The following ERC1 variants were observed in gnomAD, a reference collection of about 807,000 sequenced individuals.
ERC1 encodes ELKS/RAB6-interacting/CAST family member 1, also known as RAB6 interacting protein 2.
A neutral mutation model predicts 132.0 loss-of-function variants in ERC1; 56 were observed. That is an observed-to-expected ratio of 0.42 (90% confidence interval 0.34 to 0.53). The LOEUF (loss-of-function observed/expected upper bound fraction) is 0.53, where lower values mean the gene tolerates loss of function less well. ERC1 is among the 20% of genes least tolerant of loss of function. ERC1 has a pLI of 0.03. For missense variants in ERC1, 1,202 were observed against 1,349.9 expected (o/e 0.89, Z 1.72); for synonymous variants, 478 against 476.1 (o/e 1.00, Z -0.05).
chr12:1,038,732 G>A (rs978326593), intron 2 of ERC1, among the ~76,000 whole-genome samples: 2 of 152,200 alleles, frequency 1.3e-5, no homozygotes, highest in African/African-American at 4.8e-5. Context: ...GGGAGTTCTT[G>A]AACGAGGGCA....
intron 15 of ERC1, among the ~76,000 whole-genome samples, chr12:1,356,481 G>A (rs906003984): frequency 3.3e-5 from 5 of 152,140 alleles, no homozygotes; most frequent in Non-Finnish European, 7.4e-5. Context: ...GAAGTAGGAT[G>A]TGTGACTCAG....
chr12:1,456,640 T>C lies in ERC1; in HGVS notation c.3213+11890T>C, dbSNP rs966598848. Among the ~76,000 whole-genome samples the C allele has an allele frequency of 2.0e-5, 3 of 152,146 alleles. 1 individual carries two copies. Among genetic ancestry groups the C allele is most frequent in the Non-Finnish European group, 4.4e-5 (3 of 68,028 alleles). On this transcript the variant is annotated intron_variant, in intron 18 of 18. Coordinates refer to ENST00000360905, the MANE Select transcript of ERC1 (RefSeq NM_178040.4). ...TATGTTTTTTACTTCTTTTGAATTA[T>C]ATAAAATTGGAAGTTATATTTATAA...
At chr12:1,277,370 C>G (rs543217043) in intron 14 of ERC1, among the ~76,000 whole-genome samples, 34 of 152,320 alleles carry the variant, frequency 2.2e-4, no homozygotes, top group Middle Eastern at 3.4e-3. Flanking sequence ...ACTGATGCTT[C>G]TGATCATCAC....
intron 17 of ERC1, among the ~76,000 whole-genome samples, chr12:1,438,075 T>C (rs2092995361): frequency 6.6e-6 from 1 of 152,204 alleles, no homozygotes; most frequent in Admixed American, 6.5e-5. Flanking sequence ...CCTGAACTCC[T>C]AGTGGTAACT....
At chr12:993,748 A>G (rs1960169561) in intron 1 of ERC1, among the ~76,000 whole-genome samples, 1 of 152,110 alleles carries the variant, frequency 6.6e-6, no homozygotes, top group Non-Finnish European at 1.5e-5. Flanking sequence ...CTAAAAATAT[A>G]AGAATTAGCT....
chr12:1,156,020 A>G (rs1951357723), intron 8 of ERC1, among the ~76,000 whole-genome samples: 1 of 152,078 alleles, frequency 6.6e-6, no homozygotes, highest in East Asian at 1.9e-4. Context: ...GTTTCTATGC[A>G]TATCAAGCAT....
chr12:1,248,853 G>T (rs1349904577), intron 13 of ERC1, among the ~76,000 whole-genome samples: 1 of 152,128 alleles, frequency 6.6e-6, no homozygotes, highest in African/African-American at 2.4e-5. Context: ...TAAGGGCTCT[G>T]TGAGAATTGA....
At chr12:1,448,522 A>G (rs912616540) in intron 18 of ERC1, among the ~76,000 whole-genome samples, 1 of 152,230 alleles carries the variant, frequency 6.6e-6, no homozygotes, top group African/African-American at 2.4e-5. Context: ...ACGGCCAAGA[A>G]ACAGAAGATG....
intron 5 of ERC1, among the ~76,000 whole-genome samples, chr12:1,111,251 G>C (rs565441895): frequency 6.6e-5 from 10 of 152,172 alleles, no homozygotes; most frequent in Admixed American, 2.6e-4. Context: ...GTTTGATTCT[G>C]TAAACTATTT....
intron 7 of ERC1, among the ~76,000 whole-genome samples, chr12:1,129,453 G>T (rs1948543740): frequency 6.6e-6 from 1 of 152,194 alleles, no homozygotes; most frequent in Admixed American, 6.5e-5. Context: ...CTTAGCTAAG[G>T]GCTTCAGGGC....
chr12:1,178,575 A>G (rs1013497381), intron 8 of ERC1, among the ~76,000 whole-genome samples: 4 of 152,174 alleles, frequency 2.6e-5, no homozygotes, highest in Admixed American at 1.3e-4. Flanking sequence ...ATATACATGT[A>G]TATGTATCAT....
At chr12:1,049,746 T>C (rs1565860999) in intron 2 of ERC1, among the ~76,000 whole-genome samples, 1 of 134,266 alleles carries the variant, frequency 7.4e-6, no homozygotes, top group Non-Finnish European at 1.6e-5. Flanking sequence ...TGTTTTGTGA[T>C]CTTTTTTTTT....
At chr12:1,255,922 A>T (rs2076782399) in intron 13 of ERC1, among the ~76,000 whole-genome samples, 1 of 151,922 alleles carries the variant, frequency 6.6e-6, no homozygotes, top group Admixed American at 6.6e-5. Flanking sequence ...TACAGGCGTG[A>T]GTTTAATGAT....
At position 1,442,261 on chromosome 12, in the gene ERC1, A is replaced by G. The variant is rs143294953; in HGVS notation, c.3025-2301A>G. Among the ~76,000 whole-genome samples, 543 of 152,348 alleles carry G rather than the reference A, an allele frequency of 3.6e-3. 3 individuals carry two copies. The highest frequency in any genetic ancestry group is 0.012 in the African/African-American group (499 of 41,578). On this transcript the variant is annotated intron_variant, in intron 17 of 18. Coordinates refer to ENST00000360905, the MANE Select transcript of ERC1 (RefSeq NM_178040.4). ...ACATGTATGCCCAGAAATAAAATAC[A>G]ATATTTTTGAAAAGTTGGTATTGTT... is the stretch of plus-strand genomic sequence containing the variant.
chr12:1,342,027 A>G (rs999607976), intron 15 of ERC1, among the ~76,000 whole-genome samples: 1 of 152,072 alleles, frequency 6.6e-6, no homozygotes, highest in Non-Finnish European at 1.5e-5. Context: ...TACCTGTCCA[A>G]ATCTATGGAG....
At position 1,490,566 on chromosome 12, in the gene ERC1, A is replaced by G; in HGVS notation, c.*336A>G. 3.3e-6 allele frequency: 1 copy of G among 302,544 alleles called. No individual in the cohort carries two copies. Among genetic ancestry groups the G allele is most frequent in the Non-Finnish European group, 6.3e-6 (1 of 159,734 alleles). 18.7% of individuals were successfully genotyped at this position (302,544 alleles called of 1,614,324 possible). On this transcript the variant is annotated 3_prime_UTR_variant, in exon 19 of 19. Coordinates refer to ENST00000360905, the MANE Select transcript of ERC1 (RefSeq NM_178040.4). ...GAGCCATGGAGCAGAGGAGCCTCTC[A>G]CCTCCTGTCCTCTGACATGAGAATG...
At chr12:1,317,169 A>G (rs1265045581) in intron 15 of ERC1, among the ~76,000 whole-genome samples, 1 of 51,698 alleles carries the variant, frequency 1.9e-5, no homozygotes, top group Non-Finnish European at 4.1e-5. Flanking sequence ...CTCAAAAACG[A>G]AAAAAAAAAA....
At chr12:1,148,351 G>A (rs909096529) in intron 8 of ERC1, among the ~76,000 whole-genome samples, 7 of 152,044 alleles carry the variant, frequency 4.6e-5, no homozygotes, top group East Asian at 3.9e-4. Context: ...AGCAAGGCAC[G>A]TCTTACATGG....
At chr12:1,312,103 C>G (rs1428897447) in intron 15 of ERC1, among the ~76,000 whole-genome samples, 1 of 152,102 alleles carries the variant, frequency 6.6e-6, no homozygotes, top group African/African-American at 2.4e-5. Context: ...CTTGTAGCTA[C>G]TATTTCTATT....
Sources: gnomAD v4.1 joint callset for allele counts (sites outside exome capture counted in the v4.1 genomes callset) on GRCh38, gnomAD v4.1.1 for gene constraint, MANE v1.5 for transcripts, NCBI Gene and HGNC (gene_info 2026-07-23, HGNC 2026-07-21) for gene names.